Variants in RP1 observed in about 807,000 individuals in gnomAD.
The protein encoded by RP1 is oxygen-regulated protein 1.
In RP1, 16 loss-of-function variants were observed where a neutral mutation model predicts 14.8. The observed-to-expected ratio is 1.08, with a 90% CI of 0.73 to 1.65. RP1 has a LOEUF of 1.65. Among genes scored for constraint, RP1 ranks in the 40% most tolerant of loss-of-function variants. RP1 has a pLI of 0.00. For missense variants in RP1, 2,631 were observed against 2,535.0 expected (o/e 1.04, Z -0.81); for synonymous variants, 876 against 883.6 (o/e 0.99, Z 0.15).
intron 18 of RP1, among the ~76,000 whole-genome samples, chr8:54,735,186 A>G (rs1404671392): frequency 6.6e-6 from 1 of 152,150 alleles, no homozygotes; most frequent in African/African-American, 2.4e-5. Flanking sequence ...TTTAATTAAA[A>G]AAGTCTTGAG....
At chr8:54,683,107 G>A (rs555182924) in intron 12 of RP1, among the ~76,000 whole-genome samples, 1 of 152,266 alleles carries the variant, frequency 6.6e-6, no homozygotes, top group South Asian at 2.1e-4. Context: ...TCAGATGGCT[G>A]TAGATATGTG....
intron 1 of RP1, among the ~76,000 whole-genome samples, chr8:54,620,611 G>C (rs1342572345): frequency 6.6e-6 from 1 of 152,116 alleles, no homozygotes; most frequent in Non-Finnish European, 1.5e-5. Context: ...AATATGTCAT[G>C]ATCATCTTTC....
At chr8:54,683,212 C>A (rs1158040979) in intron 12 of RP1, among the ~76,000 whole-genome samples, 1 of 152,072 alleles carries the variant, frequency 6.6e-6, no homozygotes, top group Non-Finnish European at 1.5e-5. Context: ...AGCCTTATAG[C>A]ATAGTTTGAA....
Position 54,626,203 on chromosome 8 carries a change from T to C in RP1, c.2321T>C (p.Leu774Ser), listed in dbSNP as rs1260291101. 1 of 1,609,888 alleles carries C rather than the reference T, an allele frequency of 6.2e-7. No homozygotes were observed. The highest frequency in any genetic ancestry group is 1.3e-5 in the African/African-American group (1 of 74,510). Residue 774 changes from leucine to serine, a missense_variant, in exon 4 of 4, where the codon TTA becomes TCA. Transcript: ENST00000220676. ...TTQNSKVQGL[L>S]TKRKSRSLNK... Reference sequence around the variant, plus strand: ...CAAAATTCCAAGGTTCAAGGACTTTTAACCAAAAGAAAATCTAGATCACTA... The same window carrying C: ...CAAAATTCCAAGGTTCAAGGACTTTCAACCAAAAGAAAATCTAGATCACTA...
intron 24 of RP1, among the ~76,000 whole-genome samples, chr8:54,822,868 C>A (rs988608349): frequency 6.6e-6 from 1 of 152,154 alleles, no homozygotes; most frequent in Non-Finnish European, 1.5e-5. Flanking sequence ...TAGGATGAGA[C>A]CTCTAGGTGG....
chr8:54,585,000 A>G (rs1464254260), intron 1 of RP1, among the ~76,000 whole-genome samples: 1 of 152,152 alleles, frequency 6.6e-6, no homozygotes, highest in East Asian at 1.9e-4. Flanking sequence ...GCCCATTTCC[A>G]TTTAAGGTTA....
intron 3 of RP1, among the ~76,000 whole-genome samples, chr8:54,637,531 C>T (rs1050176580): frequency 3.3e-5 from 5 of 152,194 alleles, no homozygotes; most frequent in African/African-American, 7.2e-5. Flanking sequence ...TGACCCTGTA[C>T]ATGCCTAATT....
chr8:54,860,548 T>C (rs980455522), intron 27 of RP1, among the ~76,000 whole-genome samples: 3 of 152,202 alleles, frequency 2.0e-5, no homozygotes, highest in Admixed American at 1.3e-4. Flanking sequence ...ACCCCAGAGA[T>C]TCTGCCTGTG....
At chr8:54,655,590 A>G (rs1313047314) in intron 5 of RP1, among the ~76,000 whole-genome samples, 2 of 152,258 alleles carry the variant, frequency 1.3e-5, no homozygotes, top group Admixed American at 6.5e-5. Flanking sequence ...TTAATTTCTA[A>G]GAAGTTGAAA....
chr8:54,561,512 A>G (rs1176966427), intron 1 of RP1, among the ~76,000 whole-genome samples: 1 of 60,350 alleles, frequency 1.7e-5, no homozygotes, highest in Non-Finnish European at 4.9e-5. Context: ...AGACCTGGGC[A>G]TTACCATGGT....
intron 15 of RP1, among the ~76,000 whole-genome samples, chr8:54,712,429 A>G (rs1006582886): frequency 6.6e-6 from 1 of 152,108 alleles, no homozygotes; most frequent in African/African-American, 2.4e-5. Flanking sequence ...CTTCACTGGG[A>G]TTGGCCCCTT....
chr8:54,618,039 C>A (rs1348241399), intron 1 of RP1, among the ~76,000 whole-genome samples: 1 of 152,172 alleles, frequency 6.6e-6, no homozygotes, highest in Non-Finnish European at 1.5e-5. Flanking sequence ...CCAGTGACTT[C>A]TAGGAGTTCC....
chr8:54,604,168 G>T (rs1805368093), intron 1 of RP1, among the ~76,000 whole-genome samples: 1 of 152,204 alleles, frequency 6.6e-6, no homozygotes, highest in African/African-American at 2.4e-5. Flanking sequence ...GATATTGGTT[G>T]TGGGTTTGTC....
intron 1 of RP1, chr8:54,560,234 G>A (rs1282891393): frequency 2.0e-5 from 3 of 152,180 alleles, no homozygotes; most frequent in Non-Finnish European, 2.9e-5. Context: ...GGATGGGGAA[G>A]TTGGGTGAGA....
At chr8:54,559,577 A>T (rs1364974026) in intron 1 of RP1, among the ~76,000 whole-genome samples, 3 of 152,136 alleles carry the variant, frequency 2.0e-5, no homozygotes, top group Non-Finnish European at 4.4e-5. Context: ...TTTTGCAGAT[A>T]TTTGTAAGGT....
At chr8:54,578,147 C>T (rs1027283394) in intron 1 of RP1, among the ~76,000 whole-genome samples, 1 of 152,010 alleles carries the variant, frequency 6.6e-6, no homozygotes, top group Non-Finnish European at 1.5e-5. Flanking sequence ...CCCTGACAAA[C>T]ATTTTCTAAT....
intron 26 of RP1, among the ~76,000 whole-genome samples, chr8:54,854,389 A>G (rs2129409175): frequency 6.6e-6 from 1 of 152,376 alleles, no homozygotes; most frequent in Admixed American, 6.5e-5. Context: ...GAAAAATTTC[A>G]ACAAATTTTT....
intron 12 of RP1, among the ~76,000 whole-genome samples, chr8:54,699,246 T>C (rs1807955201): frequency 6.6e-6 from 1 of 151,916 alleles, no homozygotes; most frequent in African/African-American, 2.4e-5. Context: ...ATCACCAGTT[T>C]TTAAAATCAT....
intron 25 of RP1, among the ~76,000 whole-genome samples, chr8:54,847,021 C>T (rs1259372415): frequency 2.0e-5 from 3 of 152,184 alleles, no homozygotes; most frequent in Non-Finnish European, 4.4e-5. Context: ...GTTGCCTTTC[C>T]TCTCCTCCTG....
Sources: gnomAD v4.1 joint callset for allele counts (sites outside exome capture counted in the v4.1 genomes callset) on GRCh38, gnomAD v4.1.1 for gene constraint, MANE v1.5 for transcripts, NCBI Gene and HGNC (gene_info 2026-07-23, HGNC 2026-07-21) for gene names.